The following LRP1B variants were observed in gnomAD, a reference collection of about 807,000 sequenced individuals.
LRP1B encodes the protein low-density lipoprotein receptor-related protein 1B.
A neutral mutation model predicts 556.6 loss-of-function variants in LRP1B; 217 were observed. That is an observed-to-expected ratio of 0.39 (90% confidence interval 0.35 to 0.44). The LOEUF (loss-of-function observed/expected upper bound fraction) is 0.44, where lower values mean the gene tolerates loss of function less well. LRP1B is among the 20% of genes least tolerant of loss of function. The pLI, the probability that LRP1B is intolerant of heterozygous loss-of-function variation, is 1.00. For synonymous variants in LRP1B, 2,047 were observed against 1,865.8 expected (o/e 1.10, Z -2.50); for missense variants, 5,053 against 5,620.8 (o/e 0.90, Z 3.23).
intron 3 of LRP1B, among the ~76,000 whole-genome samples, chr2:141,392,729 T>C (rs1690099839): frequency 1.3e-5 from 2 of 152,134 alleles, no homozygotes; most frequent in Admixed American, 6.6e-5. Flanking sequence ...AGAAGACTGA[T>C]AACAAATTCT....
intron 1 of LRP1B, among the ~76,000 whole-genome samples, chr2:142,064,719 TAC>T (rs1371894200): frequency 1.3e-5 from 2 of 151,602 alleles, no homozygotes; most frequent in Non-Finnish European, 3.0e-5. Flanking sequence ...TGAGTACATG[TAC>T]ACACTCATGA....
intron 79 of LRP1B, among the ~76,000 whole-genome samples, chr2:140,330,542 C>T (rs891427697): frequency 1.5e-4 from 23 of 152,012 alleles, no homozygotes; most frequent in African/African-American, 4.8e-4. Flanking sequence ...GAAACTGGAC[C>T]CCTTCCTTAC....
At chr2:141,406,181 A>G (rs1690625600) in intron 3 of LRP1B, among the ~76,000 whole-genome samples, 1 of 152,106 alleles carries the variant, frequency 6.6e-6, no homozygotes, top group South Asian at 2.1e-4. Context: ...ATTCCTAATC[A>G]CTGTGCAAAA....
intron 1 of LRP1B, among the ~76,000 whole-genome samples, chr2:141,959,438 C>T (rs946461071): frequency 1.2e-4 from 18 of 151,870 alleles, no homozygotes; most frequent in African/African-American, 3.6e-4. Flanking sequence ...GTAGTTAATG[C>T]GTCAATCTAG....
chr2:140,556,317 G>C (rs774957278), intron 43 of LRP1B, among the ~76,000 whole-genome samples: 2 of 151,922 alleles, frequency 1.3e-5, no homozygotes, highest in Non-Finnish European at 2.9e-5. Context: ...TGGAGGAAAG[G>C]CCCCCCCACA....
At chr2:141,151,129 C>T (rs566040334) in intron 7 of LRP1B, among the ~76,000 whole-genome samples, 225 of 152,200 alleles carry the variant, frequency 1.5e-3, no homozygotes, top group African/African-American at 5.3e-3. Flanking sequence ...TCAAATTATC[C>T]ATGCCTTAAA....
At chr2:140,548,454 T>C (rs1382642332) in intron 43 of LRP1B, among the ~76,000 whole-genome samples, 1 of 152,124 alleles carries the variant, frequency 6.6e-6, no homozygotes, top group Non-Finnish European at 1.5e-5. Flanking sequence ...ATCTTCTTAT[T>C]TCATCTCCAT....
intron 3 of LRP1B, among the ~76,000 whole-genome samples, chr2:141,287,864 T>C (rs569537154): frequency 1.3e-5 from 2 of 152,344 alleles, no homozygotes; most frequent in South Asian, 4.1e-4. Flanking sequence ...AATTAAAATC[T>C]TAACCTATGA....
intron 33 of LRP1B, among the ~76,000 whole-genome samples, chr2:140,774,377 G>A (rs1689419553): frequency 6.6e-6 from 1 of 152,084 alleles, no homozygotes; most frequent in Non-Finnish European, 1.5e-5. Context: ...GGAAAATCTT[G>A]TTAACAGGAG....
At chr2:141,762,570 G>A (rs554656517) in intron 2 of LRP1B, among the ~76,000 whole-genome samples, 17 of 151,866 alleles carry the variant, frequency 1.1e-4, no homozygotes, top group East Asian at 1.9e-4. Context: ...TTTTTACTCC[G>A]TATAGTGTGA....
intron 27 of LRP1B, among the ~76,000 whole-genome samples, chr2:140,861,338 C>T (rs555116588): frequency 1.3e-5 from 2 of 152,222 alleles, no homozygotes; most frequent in South Asian, 2.1e-4. Flanking sequence ...ACCTGGGAGG[C>T]GGAGGTTGCA....
intron 41 of LRP1B, among the ~76,000 whole-genome samples, chr2:140,689,227 A>C (rs977468419): frequency 6.6e-6 from 1 of 152,268 alleles, no homozygotes; most frequent in African/African-American, 2.4e-5. Context: ...AGGAGTATGC[A>C]CCTATAACAA....
intron 43 of LRP1B, among the ~76,000 whole-genome samples, chr2:140,580,981 A>G (rs1281599768): frequency 6.6e-6 from 1 of 152,226 alleles, no homozygotes; most frequent in Non-Finnish European, 1.5e-5. Context: ...TATGTCAGTC[A>G]GCACGCTTAT....
chr2:141,729,588 G>T (rs1218140342), intron 2 of LRP1B, among the ~76,000 whole-genome samples: 2 of 152,144 alleles, frequency 1.3e-5, no homozygotes, highest in Non-Finnish European at 2.9e-5. Flanking sequence ...AAGTCTGATG[G>T]ACAAGACGGT....
chr2:141,709,547 T>C (rs1186028814), intron 2 of LRP1B, among the ~76,000 whole-genome samples: 1 of 152,118 alleles, frequency 6.6e-6, no homozygotes, highest in Non-Finnish European at 1.5e-5. Context: ...TGAATTTCTT[T>C]GTTTGGTTTT....
chr2:140,341,665 T>C (rs768752025), intron 77 of LRP1B, among the ~76,000 whole-genome samples: 3 of 151,438 alleles, frequency 2.0e-5, no homozygotes, highest in Non-Finnish European at 3.0e-5. Context: ...ATATGGCCTA[T>C]GTATGGCTGG....
At chr2:140,453,446 GTCT>G (rs1226293716) in intron 62 of LRP1B, among the ~76,000 whole-genome samples, 1 of 151,798 alleles carries the variant, frequency 6.6e-6, no homozygotes, top group African/African-American at 2.4e-5. Flanking sequence ...ATATAAAATA[GTCT>G]TCATCATAAA....
At chr2:142,059,314 T>A (rs1704805332) in intron 1 of LRP1B, among the ~76,000 whole-genome samples, 3 of 152,126 alleles carry the variant, frequency 2.0e-5, no homozygotes, top group Non-Finnish European at 4.4e-5. Flanking sequence ...TACTTAAATA[T>A]GCAAATTTAA....
At chr2:141,434,800 A>G (rs1175319329) in intron 3 of LRP1B, among the ~76,000 whole-genome samples, 3 of 152,184 alleles carry the variant, frequency 2.0e-5, no homozygotes, top group Non-Finnish European at 2.9e-5. Flanking sequence ...TGACTCAGCT[A>G]AAATAATTCT....
Sources: allele counts gnomAD v4.1 joint callset (sites outside exome capture counted in the v4.1 genomes callset), GRCh38; gene constraint gnomAD v4.1.1; transcripts MANE v1.5; gene names NCBI Gene and HGNC (gene_info 2026-07-23, HGNC 2026-07-21).